HMX2: variants seen among roughly 807,000 people sequenced by gnomAD.
HMX2 encodes the protein H6 family homeobox 2, also known as homeobox protein HMX2.
A neutral mutation model predicts 21.2 loss-of-function variants in HMX2; 15 were observed. That is an observed-to-expected ratio of 0.71 (90% CI 0.47 to 1.09). The LOEUF (loss-of-function observed/expected upper bound fraction) is 1.09, where lower values mean the gene tolerates loss of function less well. Among genes scored for constraint, HMX2 ranks in the 50% least tolerant of loss-of-function variants. The pLI is 0.00. For synonymous variants in HMX2, 193 were observed against 181.0 expected, an observed-to-expected ratio of 1.07 and a Z score of -0.53; for missense variants, 440 against 381.5, an observed-to-expected ratio of 1.15 and a Z score of -1.28.
chr10:123,149,975 T>G lies in HMX2; in HGVS notation c.674T>G (p.Leu225Arg). ...ATGGCGCACGCGTCGGCGCAGACTC[T>G]GGTGAGCATGCCGCTGGTGTTCCGG... Reference protein sequence around the residue: ...ANMAHASAQTLVSMPLVFRDS... With the variant: ...ANMAHASAQTRVSMPLVFRDS... The change falls in exon 2 of 2, where the codon CTG becomes CGG. Residue 225 changes from leucine (L) to arginine (R), a missense_variant. Coordinates refer to ENST00000339992, the MANE Select transcript of HMX2 (RefSeq NM_005519.2). The surrounding 1 kb of genome is among the most constrained non-coding windows in gnomAD (Gnocchi z 5.4). 2 of 1,611,706 alleles carry G rather than the reference T, an allele frequency of 1.2e-6. No homozygotes were observed. The highest frequency in any genetic ancestry group is 1.7e-6 in the Non-Finnish European group (2 of 1,179,504).
chr10:123,150,476 A>C lies in HMX2; in HGVS notation c.*353A>C. On this transcript the variant is annotated 3_prime_UTR_variant, in exon 2 of 2. Coordinates refer to ENST00000339992, the MANE Select transcript of HMX2 (RefSeq NM_005519.2). This position sits in a 1 kb window ranked among gnomAD's most constrained non-coding sequence, Gnocchi z 4.2. ...GGAAAACACCTACAAAACCAGGTAC[A>C]CTCCTCCCCCATATATACACCTGTA... The C allele has an allele frequency of 1.5e-5, 3 of 198,218 alleles. No homozygotes were observed. The highest frequency in any genetic ancestry group is 2.4e-5 in the African/African-American group (1 of 41,758). The allele number at this position is 198,218 out of a possible 1,614,324, so 12.3% of individuals were successfully genotyped here.
At position 123,150,000 on chromosome 10, in the gene HMX2, G is replaced by A. The variant is rs1213609404; in HGVS notation, c.699G>A (p.Arg233=). 6.2e-7 allele frequency: 1 copy of A among 1,610,594 alleles called. No individual in the cohort carries two copies. The highest frequency in any genetic ancestry group is 8.5e-7 in the Non-Finnish European group (1 of 1,179,184). Residue 233 remains arginine (R), a synonymous_variant, in exon 2 of 2, where the codon CGG becomes CGA. Coordinates refer to ENST00000339992, the MANE Select transcript of HMX2 (RefSeq NM_005519.2). This position sits in a 1 kb window ranked among gnomAD's most constrained non-coding sequence, Gnocchi z 5.4. ...QTLVSMPLVF[R]DSSLLRVPVP... The stretch of plus-strand genomic sequence containing the variant: ...TGGTGAGCATGCCGCTGGTGTTCCG[G>A]GACAGTTCGCTGCTGCGCGTGCCGG...
In HMX2 at chr10:123,149,957, A is replaced by T; in HGVS notation, c.656A>T (p.His219Leu). The T allele has an allele frequency of 4.3e-6, 7 of 1,611,990 alleles. No homozygotes were observed. The highest frequency in any genetic ancestry group is 5.9e-6 in the Non-Finnish European group (7 of 1,179,596). ...SAELEAANMA[H>L]ASAQTLVSMP... is the part of the protein sequence containing the mutation. ...GAGCTGGAGGCGGCCAACATGGCGC[A>T]CGCGTCGGCGCAGACTCTGGTGAGC... The change falls in exon 2 of 2, where the codon CAC becomes CTC. Residue 219 changes from histidine (H) to leucine (L), a missense_variant. Physicochemically the swap from His to Leu is moderately conservative, Grantham distance 99. Coordinates refer to ENST00000339992, the MANE Select transcript of HMX2 (RefSeq NM_005519.2). The surrounding 1 kb of genome is among the most constrained non-coding windows in gnomAD (Gnocchi z 5.4).
In HMX2 at chr10:123,149,580, G is replaced by C; in HGVS notation, c.279G>C (p.Lys93Asn). ...PIPFPCLGTP[K>N]GSGGSGPGGL... is the part of the protein sequence containing the mutation. Reference sequence around the variant, plus strand: ...GTTCTCGCTCCTCAGGTACCCCCAAGGGCAGCGGAGGCTCGGGCCCGGGCG... The same window carrying C: ...GTTCTCGCTCCTCAGGTACCCCCAACGGCAGCGGAGGCTCGGGCCCGGGCG... Residue 93 changes from lysine (K) to asparagine (N), a missense_variant, in exon 2 of 2, where the codon AAG (lysine) becomes AAC (asparagine). Lys to Asn is a moderately conservative substitution (Grantham distance 94). Transcript: ENST00000339992. This position sits in a 1 kb window ranked among gnomAD's most constrained non-coding sequence, Gnocchi z 5.4. The C allele has an allele frequency of 6.9e-7, 1 of 1,454,834 alleles. No homozygotes were observed. The highest frequency in any genetic ancestry group is 9.0e-7 in the Non-Finnish European group (1 of 1,106,798). 90.1% of individuals were successfully genotyped at this position (1,454,834 alleles called of 1,614,324 possible).
Position 123,150,235 on chromosome 10 carries a change from AC to A in HMX2, c.*114del. On this transcript the variant is annotated 3_prime_UTR_variant, in exon 2 of 2. Coordinates refer to ENST00000339992, the MANE Select transcript of HMX2 (RefSeq NM_005519.2). The surrounding 1 kb of genome is among the most constrained non-coding windows in gnomAD (Gnocchi z 4.2). Reference sequence around the variant, plus strand: ...TGTTTCCAGAAATATGAAGAAATACACCATGTGTATTCATTAGCTCTTATTT... The same window carrying A: ...TGTTTCCAGAAATATGAAGAAATACACATGTGTATTCATTAGCTCTTATTT... 31 of 866,420 alleles carry A rather than the reference AC, an allele frequency of 3.6e-5. No homozygotes were observed. Among genetic ancestry groups the A allele is most frequent in the Non-Finnish European group, 5.2e-5 (30 of 580,476 alleles). 53.7% of individuals were successfully genotyped at this position (866,420 alleles called of 1,614,324 possible).
rs1844222324 is a variant in HMX2 at position 123,148,374 on chromosome 10, C to T, written c.-5C>T. On this transcript the variant is annotated 5_prime_UTR_variant, in exon 1 of 2. Transcript: ENST00000339992. Reference sequence around the variant, plus strand: ...TGGTTTCCTTCGATTTCTTATGAACCCAGGATGGGCAGCAAAGAAGATGCG... The same window carrying T: ...TGGTTTCCTTCGATTTCTTATGAACTCAGGATGGGCAGCAAAGAAGATGCG... 6.2e-7 allele frequency: 1 copy of T among 1,612,730 alleles called. No individual in the cohort carries two copies. The highest frequency in any genetic ancestry group is 1.7e-5 in the Admixed American group (1 of 59,696).
rs950706941 is a variant in HMX2, at chr10:123,150,381, G to A, written c.*258G>A. ...ACGCTTTGAAAACCATTCGGAGTGA[G>A]ATGTTCTCGGGTGGTGGTGGGAAAG... is the stretch of plus-strand genomic sequence containing the variant. On this transcript the variant is annotated 3_prime_UTR_variant, in exon 2 of 2. Coordinates refer to ENST00000339992, the MANE Select transcript of HMX2 (RefSeq NM_005519.2). The surrounding 1 kb of genome is among the most constrained non-coding windows in gnomAD (Gnocchi z 4.2). 7 of 346,106 alleles carry A rather than the reference G, an allele frequency of 2.0e-5. No homozygotes were observed. The highest frequency in any genetic ancestry group is 4.6e-5 in the Admixed American group (1 of 21,812). The allele number at this position is 346,106 out of a possible 1,614,324, so 21.4% of individuals were successfully genotyped here.
Position 123,148,659 on chromosome 10 carries a change from C to T in HMX2, c.268+13C>T, listed in dbSNP as rs758596340. 5 of 1,602,870 alleles carry T rather than the reference C, an allele frequency of 3.1e-6. No individual in the cohort carries two copies. The South Asian group carries it at 3.4e-5, about 11-fold the overall frequency. On this transcript the variant is annotated intron_variant, in intron 1 of 1. Transcript: ENST00000339992. ...TTTCCTTGCCTGGGTAAGGATCGCA[C>T]GTCGCCAGTGTGGCAGCGAGCGAGC...
In HMX2 at chr10:123,149,357, C is replaced by A. The variant is rs1371977646; in HGVS notation, c.269-213C>A. ...ATTCATAAAGGTGGGAGCACAGAGA[C>A]CCCATACTCCAAGTAGCTGGGTCCC... On this transcript the variant is annotated intron_variant, in intron 1 of 1. Transcript: ENST00000339992. This position sits in a 1 kb window ranked among gnomAD's most constrained non-coding sequence, Gnocchi z 5.4. Among the ~76,000 whole-genome samples, 1 of 152,194 alleles carries A rather than the reference C, an allele frequency of 6.6e-6. No homozygotes were observed. Among genetic ancestry groups the A allele is most frequent in the Non-Finnish European group, 1.5e-5 (1 of 68,030 alleles).
chr10:123,150,214 T>C lies in HMX2; in HGVS notation c.*91T>C, dbSNP rs116559733. 1,097 of 1,084,844 alleles carry C rather than the reference T, an allele frequency of 1.0e-3. 2 individuals are homozygous for C. The highest frequency in any genetic ancestry group is 8.4e-3 in the African/African-American group (531 of 63,012). The allele number at this position is 1,084,844 out of a possible 1,614,324, so 67.2% of individuals were successfully genotyped here. Reference sequence around the variant, plus strand: ...GGGCTCCGGAGCAAGGCGGCGTGTTTCCAGAAATATGAAGAAATACACCAT... The same window carrying C: ...GGGCTCCGGAGCAAGGCGGCGTGTTCCCAGAAATATGAAGAAATACACCAT... On this transcript the variant is annotated 3_prime_UTR_variant, in exon 2 of 2. Transcript: ENST00000339992. This position sits in a 1 kb window ranked among gnomAD's most constrained non-coding sequence, Gnocchi z 4.2.
chr10:123,148,265 G>GA lies in HMX2; in HGVS notation c.-113dup. The GA allele has an allele frequency of 1.0e-6, 1 of 981,592 alleles. No homozygotes were observed. The highest frequency in any genetic ancestry group is 1.5e-6 in the Non-Finnish European group (1 of 647,994). 60.8% of individuals were successfully genotyped at this position (981,592 alleles called of 1,614,324 possible). On this transcript the variant is annotated 5_prime_UTR_variant, in exon 1 of 2. Transcript: ENST00000339992. ...CCAGCCTCGGCGCCCCCTCCCCCTAGATTTCCTCCCCGCCCCTCCCCACTG... is the reference window on the plus strand; with the variant it reads ...CCAGCCTCGGCGCCCCCTCCCCCTAGAATTTCCTCCCCGCCCCTCCCCACTG...
Position 123,149,235 on chromosome 10 carries a change from G to A in HMX2, c.269-335G>A, listed in dbSNP as rs752670438. Among the ~76,000 whole-genome samples the A allele has an allele frequency of 2.6e-5, 4 of 152,154 alleles. No individual in the cohort carries two copies. Among genetic ancestry groups the A allele is most frequent in the Non-Finnish European group, 4.4e-5 (3 of 68,030 alleles). Reference sequence around the variant, plus strand: ...ATGATGCCACCCTATAAAGCTCGAGGAACTCTTCCAGCTCAATTACCACCA... The same window carrying A: ...ATGATGCCACCCTATAAAGCTCGAGAAACTCTTCCAGCTCAATTACCACCA... On this transcript the variant is annotated intron_variant, in intron 1 of 1. Coordinates refer to ENST00000339992, the MANE Select transcript of HMX2 (RefSeq NM_005519.2). This position sits in a 1 kb window ranked among gnomAD's most constrained non-coding sequence, Gnocchi z 5.4.
rs779811732 is a variant in HMX2 at position 123,149,843 on chromosome 10, GCCTCGCCTC to G, written c.544_552del (p.Leu182_Ser184del). The G allele has an allele frequency of 1.2e-6, 2 of 1,612,834 alleles. No homozygotes were observed. Among genetic ancestry groups the G allele is most frequent in the Non-Finnish European group, 8.5e-7 (1 of 1,179,882 alleles). On this transcript the variant is annotated inframe_deletion, in exon 2 of 2. Coordinates refer to ENST00000339992, the MANE Select transcript of HMX2 (RefSeq NM_005519.2). The surrounding 1 kb of genome is among the most constrained non-coding windows in gnomAD (Gnocchi z 5.4). ...TACCTGAGCAGCTCGGAGCGCGCCT[GCCTCGCCTC>G]CAGCCTGCAGCTCACGGAGACCCAG...
In HMX2 at chr10:123,150,180, C is replaced by A; in HGVS notation, c.*57C>A. The A allele has an allele frequency of 7.1e-7, 1 of 1,399,094 alleles. No individual in the cohort carries two copies. The highest frequency in any genetic ancestry group is 9.5e-7 in the Non-Finnish European group (1 of 1,054,884). The allele number at this position is 1,399,094 out of a possible 1,614,324, so 86.7% of individuals were successfully genotyped here. On this transcript the variant is annotated 3_prime_UTR_variant, in exon 2 of 2. Transcript: ENST00000339992. This position sits in a 1 kb window ranked among gnomAD's most constrained non-coding sequence, Gnocchi z 4.2. ...CCCGCAGAGCCGGGCGCGTACTGTACTGTAAGCAGGGCTCCGGAGCAAGGC... is the reference window on the plus strand; with the variant it reads ...CCCGCAGAGCCGGGCGCGTACTGTAATGTAAGCAGGGCTCCGGAGCAAGGC...
Position 123,149,616 on chromosome 10 carries a change from C to A in HMX2, c.315C>A (p.Arg105=). Residue 105 remains arginine (R), a synonymous_variant, in exon 2 of 2, where the codon CGC becomes CGA. Coordinates refer to ENST00000339992, the MANE Select transcript of HMX2 (RefSeq NM_005519.2). This position sits in a 1 kb window ranked among gnomAD's most constrained non-coding sequence, Gnocchi z 5.4. The part of the protein sequence containing the change: ...SGGSGPGGLE[R]TPFLSPSHSD... ...GCTCGGGCCCGGGCGGCTTGGAGCGCACGCCTTTCCTCTCTCCTTCGCACT... is the reference window on the plus strand; with the variant it reads ...GCTCGGGCCCGGGCGGCTTGGAGCGAACGCCTTTCCTCTCTCCTTCGCACT... The A allele has an allele frequency of 6.7e-7, 1 of 1,482,114 alleles. No individual in the cohort carries two copies. Among genetic ancestry groups the A allele is most frequent in the Non-Finnish European group, 8.9e-7 (1 of 1,121,468 alleles). The allele number at this position is 1,482,114 out of a possible 1,614,324, so 91.8% of individuals were successfully genotyped here.
At position 123,148,538 on chromosome 10, in the gene HMX2, G is replaced by T. The variant is rs755309781; in HGVS notation, c.160G>T (p.Glu54Ter). The T allele has an allele frequency of 1.2e-6, 2 of 1,613,156 alleles. No individual in the cohort carries two copies. Among genetic ancestry groups the T allele is most frequent in the East Asian group, 2.2e-5 (1 of 44,868 alleles). ...KRSLSVSSEE[E>*]EPDDGWKAPA... The stretch of plus-strand genomic sequence containing the variant: ...CAGCCTGTCCGTGTCCTCGGAGGAG[G>T]AGGAGCCGGACGACGGCTGGAAGGC... Residue 54 changes from glutamate (E) to a stop codon, truncating the protein, a stop_gained, in exon 1 of 2, where the codon GAG (glutamate) becomes TAG (stop). Transcript: ENST00000339992. LOFTEE classifies it high-confidence loss of function.
Position 123,148,303 on chromosome 10 carries a change from A to G in HMX2, c.-76A>G, listed in dbSNP as rs993805765. 2.7e-5 allele frequency: 36 copies of G among 1,342,398 alleles called. No homozygotes were observed. In the Middle Eastern group the frequency reaches 9.8e-4, roughly 37 times the overall value. 83.2% of individuals were successfully genotyped at this position (1,342,398 alleles called of 1,614,324 possible). A position where few individuals can be genotyped will look rare whatever the true frequency, so the allele number is the denominator to read the frequency against. On this transcript the variant is annotated 5_prime_UTR_variant, in exon 1 of 2. Transcript: ENST00000339992. ...CCCCTCCCCACTGCCTGCCTGCTGCACCACCTTCCACCCAGATCACCCAGA... is the reference window on the plus strand; with the variant it reads ...CCCCTCCCCACTGCCTGCCTGCTGCGCCACCTTCCACCCAGATCACCCAGA...
In HMX2 at chr10:123,149,951, T is replaced by G. The variant is rs1196324968; in HGVS notation, c.650T>G (p.Met217Arg). The stretch of plus-strand genomic sequence containing the variant: ...TCGGCTGAGCTGGAGGCGGCCAACA[T>G]GGCGCACGCGTCGGCGCAGACTCTG... Reference protein sequence around the residue: ...QLSAELEAANMAHASAQTLVS... With the variant: ...QLSAELEAANRAHASAQTLVS... Residue 217 changes from methionine (M) to arginine (R), a missense_variant, in exon 2 of 2, where the codon ATG (methionine) becomes AGG (arginine). Transcript: ENST00000339992. The surrounding 1 kb of genome is among the most constrained non-coding windows in gnomAD (Gnocchi z 5.4). 1.9e-6 allele frequency: 3 copies of G among 1,611,920 alleles called. No individual in the cohort carries two copies. Among genetic ancestry groups the G allele is most frequent in the Non-Finnish European group, 2.5e-6 (3 of 1,179,624 alleles).
chr10:123,148,523 G>T lies in HMX2; in HGVS notation c.145G>T (p.Val49Leu), dbSNP rs927360192. 6.2e-7 allele frequency: 1 copy of T among 1,613,074 alleles called. No homozygotes were observed. The highest frequency in any genetic ancestry group is 2.2e-5 in the East Asian group (1 of 44,868). Residue 49 changes from valine to leucine, a missense_variant, in exon 1 of 2, where the codon GTG becomes TTG. Transcript: ENST00000339992. ...GCCAGCCAGGAAGCGCAGCCTGTCC[G>T]TGTCCTCGGAGGAGGAGGAGCCGGA... ...GWPARKRSLS[V>L]SSEEEEPDDG...
Sources: allele counts gnomAD v4.1 joint callset (sites outside exome capture counted in the v4.1 genomes callset), GRCh38; gene constraint gnomAD v4.1.1; non-coding constraint Gnocchi (gnomAD v3.1); transcripts MANE v1.5; gene names NCBI Gene and HGNC (gene_info 2026-07-23, HGNC 2026-07-21).